The following ZNF423 variants were observed in gnomAD, a reference collection of about 807,000 sequenced individuals.
The protein encoded by ZNF423 is zinc finger protein 423.
In ZNF423, 12 loss-of-function variants were observed where a neutral mutation model predicts 95.8. The observed-to-expected ratio is 0.13, with a 90% CI of 0.08 to 0.20. The LOEUF (loss-of-function observed/expected upper bound fraction) is 0.20. Among genes scored for constraint, ZNF423 ranks in the 10% least tolerant of loss-of-function variants. ZNF423 has a pLI of 1.00. For missense variants in ZNF423, 1,316 were observed against 1,737.1 expected (o/e 0.76, Z 4.31); for synonymous variants, 749 against 711.9 (o/e 1.05, Z -0.83).
At chr16:49,605,947 G>A (rs1971523576) in intron 5 of ZNF423, among the ~76,000 whole-genome samples, 1 of 152,220 alleles carries the variant, frequency 6.6e-6, no homozygotes, top group Non-Finnish European at 1.5e-5. Flanking sequence ...TGGGACGAAT[G>A]AGAAAAACAC....
At chr16:49,559,700 C>G (rs1201265980) in intron 5 of ZNF423, among the ~76,000 whole-genome samples, 1 of 152,182 alleles carries the variant, frequency 6.6e-6, no homozygotes, top group Non-Finnish European at 1.5e-5. Context: ...TGCATTTGAA[C>G]CAAGGTCTAC....
intron 3 of ZNF423, among the ~76,000 whole-genome samples, chr16:49,727,105 C>T (rs1333084478): frequency 6.6e-6 from 1 of 152,086 alleles, no homozygotes; most frequent in Non-Finnish European, 1.5e-5. Flanking sequence ...CATAAAAATG[C>T]AATGTTTGAT....
At chr16:49,695,811 T>C (rs2031949029) in intron 3 of ZNF423, among the ~76,000 whole-genome samples, 1 of 152,320 alleles carries the variant, frequency 6.6e-6, no homozygotes, top group South Asian at 2.1e-4. Flanking sequence ...GAATCCAGAC[T>C]AGACAATTTA....
chr16:49,839,534 T>TA (rs2035160764), intron 1 of ZNF423, among the ~76,000 whole-genome samples: 1 of 152,170 alleles, frequency 6.6e-6, no homozygotes, highest in Admixed American at 6.5e-5. Context: ...CCCTCCCAGT[T>TA]ACCTGTGCAT....
chr16:49,599,708 G>A (rs139237383), intron 5 of ZNF423, among the ~76,000 whole-genome samples: 3 of 152,210 alleles, frequency 2.0e-5, no homozygotes, highest in East Asian at 1.9e-4. Flanking sequence ...CACACAACAC[G>A]GATGGATCTC....
intron 2 of ZNF423, among the ~76,000 whole-genome samples, chr16:49,785,070 TTTAG>T (rs1349641124): frequency 4.6e-5 from 7 of 152,056 alleles, no homozygotes; most frequent in African/African-American, 1.2e-4. Flanking sequence ...TTTTCTTTTA[TTTAG>T]TTAGTTATTT....
chr16:49,617,258 A>AGGTCTGAGG (rs1163578768), intron 5 of ZNF423, among the ~76,000 whole-genome samples: 1 of 152,180 alleles, frequency 6.6e-6, no homozygotes, highest in African/African-American at 2.4e-5. Flanking sequence ...ATCCAAGGCC[A>AGGTCTGAGG]GGTCTGAGGC....
At chr16:49,845,454 G>A (rs114378877) in intron 1 of ZNF423, among the ~76,000 whole-genome samples, 6 of 151,564 alleles carry the variant, frequency 4.0e-5, no homozygotes, top group African/African-American at 1.5e-4. Flanking sequence ...TGTTGCCCAG[G>A]TTGAACTCGA....
intron 1 of ZNF423, among the ~76,000 whole-genome samples, chr16:49,849,612 A>G (rs955252540): frequency 3.9e-5 from 6 of 152,074 alleles, no homozygotes; most frequent in African/African-American, 1.4e-4. Context: ...TTGAAACCAG[A>G]GTGTGTTTGC....
intron 7 of ZNF423, among the ~76,000 whole-genome samples, chr16:49,493,954 T>C (rs887259542): frequency 2.6e-5 from 4 of 152,050 alleles, no homozygotes; most frequent in African/African-American, 9.7e-5. Flanking sequence ...AAACCAGACA[T>C]GATATTCGAT....
chr16:49,637,653 C>T lies in ZNF423; in HGVS notation c.1523G>A (p.Arg508His), dbSNP rs779795080. ...GGCGTTGGGGCCGCAGTGGGAGACGCGGATGTGCTCCTGCAGGCTATTGAT... is the reference window on the plus strand; with the variant it reads ...GGCGTTGGGGCCGCAGTGGGAGACGTGGATGTGCTCCTGCAGGCTATTGAT... ...ADINSLQEHI[R>H]VSHCGPNANP... The change falls in exon 4 of 8, where the codon CGC becomes CAC. Residue 508 changes from arginine to histidine, a missense_variant. Arg to His is a conservative substitution (Grantham distance 29). Transcript: ENST00000563137. This position sits in a 1 kb window ranked among gnomAD's most constrained non-coding sequence, Gnocchi z 5.6. 1.1e-5 allele frequency: 18 copies of T among 1,614,018 alleles called. 1 individual carries two copies. The highest frequency in any genetic ancestry group is 1.1e-4 in the East Asian group (5 of 44,878).
chr16:49,734,777 C>A (rs1382177448), intron 2 of ZNF423, among the ~76,000 whole-genome samples: 3 of 152,242 alleles, frequency 2.0e-5, no homozygotes, highest in African/African-American at 4.8e-5. Flanking sequence ...CCACGATGGA[C>A]AACTGTTTTC....
intron 3 of ZNF423, among the ~76,000 whole-genome samples, chr16:49,700,218 CAAG>C (rs1174840870): frequency 5.0e-5 from 6 of 119,624 alleles, no homozygotes; most frequent in East Asian, 2.3e-4. Context: ...AAAAAAAAAA[CAAG>C]AAGAAGAAGA....
At chr16:49,563,565 G>T (rs1009677861) in intron 5 of ZNF423, among the ~76,000 whole-genome samples, 2 of 152,212 alleles carry the variant, frequency 1.3e-5, no homozygotes, top group Admixed American at 6.5e-5. Context: ...TGATTTTATA[G>T]TCAAGGAAAG....
At chr16:49,586,582 G>A (rs570116721) in intron 5 of ZNF423, among the ~76,000 whole-genome samples, 35 of 152,336 alleles carry the variant, frequency 2.3e-4, no homozygotes, top group Admixed American at 6.5e-4. Flanking sequence ...CCTGGTCCCC[G>A]CCAGTGTGCC....
chr16:49,828,253 C>T lies in ZNF423; in HGVS notation c.40+27482G>A, dbSNP rs115429275. Among the ~76,000 whole-genome samples the T allele has an allele frequency of 5.0e-3, 763 of 152,304 alleles. 10 individuals are homozygous for T. Among genetic ancestry groups the T allele is most frequent in the Middle Eastern group, 0.017 (5 of 294 alleles). On this transcript the variant is annotated intron_variant, in intron 1 of 7. Transcript: ENST00000563137. ...CATCGCTGCTTAGAATCTCACTTGT[C>T]CTCAAATATCTCCTGTTTATCTTGG...
At chr16:49,717,178 T>A (rs12920473) in intron 3 of ZNF423, among the ~76,000 whole-genome samples, 27,159 of 152,040 alleles carry the variant, frequency 0.18, 2,502 homozygotes, top group Middle Eastern at 0.21. Context: ...AGTATCAACA[T>A]TAATGGAGAA....
At chr16:49,621,410 GAA>G (rs1273009082) in intron 5 of ZNF423, among the ~76,000 whole-genome samples, 1 of 152,182 alleles carries the variant, frequency 6.6e-6, no homozygotes, top group East Asian at 1.9e-4. Flanking sequence ...GGGGTGCTGG[GAA>G]AATGTTTCCA....
At chr16:49,815,589 G>A (rs1284025237) in intron 1 of ZNF423, among the ~76,000 whole-genome samples, 2 of 152,010 alleles carry the variant, frequency 1.3e-5, no homozygotes, top group East Asian at 3.9e-4. Context: ...ACTCTGGCAG[G>A]GCAGCACTGC....
Sources: gnomAD v4.1 joint callset for allele counts (sites outside exome capture counted in the v4.1 genomes callset) on GRCh38, gnomAD v4.1.1 for gene constraint, Gnocchi (gnomAD v3.1) non-coding constraint, MANE v1.5 for transcripts, NCBI Gene and HGNC (gene_info 2026-07-23, HGNC 2026-07-21) for gene names.